The following CNTNAP2 variants were observed in gnomAD, a reference collection of about 807,000 sequenced individuals.
The protein encoded by CNTNAP2 is contactin-associated protein-like 2.
In CNTNAP2, 98 loss-of-function variants were observed where a neutral mutation model predicts 155.2. The observed-to-expected ratio is 0.63, with a 90% CI of 0.54 to 0.75. The LOEUF is 0.75. Among genes scored for constraint, CNTNAP2 ranks in the 30% least tolerant of loss-of-function variants. CNTNAP2 has a pLI of 0.00. For missense variants in CNTNAP2, 1,727 were observed against 1,688.1 expected, an observed-to-expected ratio of 1.02 and a Z score of -0.40; for synonymous variants, 651 against 631.2, an observed-to-expected ratio of 1.03 and a Z score of -0.47.
chr7:146,679,661 G>A (rs940050172), intron 1 of CNTNAP2, among the ~76,000 whole-genome samples: 1 of 151,908 alleles, frequency 6.6e-6, no homozygotes, highest in Non-Finnish European at 1.5e-5. Context: ...GGCTGATCTT[G>A]TTTCTTTCTC....
At chr7:147,457,917 G>C (rs1797949932) in intron 10 of CNTNAP2, among the ~76,000 whole-genome samples, 1 of 151,942 alleles carries the variant, frequency 6.6e-6, no homozygotes, top group Non-Finnish European at 1.5e-5. Flanking sequence ...GATTAGTTTT[G>C]GGTGGCCACA....
chr7:148,412,860 T>C (rs1245069760), intron 23 of CNTNAP2, among the ~76,000 whole-genome samples: 1 of 152,228 alleles, frequency 6.6e-6, no homozygotes, highest in Non-Finnish European at 1.5e-5. Context: ...TGAGAAAGTT[T>C]CTTCTACTCA....
intron 1 of CNTNAP2, among the ~76,000 whole-genome samples, chr7:146,670,366 C>T (rs1348105413): frequency 6.6e-6 from 1 of 152,072 alleles, no homozygotes; most frequent in Non-Finnish European, 1.5e-5. Flanking sequence ...CCAGCGTATG[C>T]CATGGACTTT....
chr7:146,150,975 G>A (rs1798028380), intron 1 of CNTNAP2, among the ~76,000 whole-genome samples: 1 of 152,094 alleles, frequency 6.6e-6, no homozygotes, highest in African/African-American at 2.4e-5. Flanking sequence ...GAGGCCTCAG[G>A]AAACTTACAG....
Position 147,488,652 on chromosome 7 carries a change from C to T in CNTNAP2, c.1777+2611C>T, listed in dbSNP as rs184033004. Among the ~76,000 whole-genome samples, 4 of 152,290 alleles carry T rather than the reference C, an allele frequency of 2.6e-5. No individual in the cohort carries two copies. The East Asian group carries it at 7.7e-4, about 29-fold the overall frequency. On this transcript the variant is annotated intron_variant, in intron 11 of 23. Transcript: ENST00000361727. ...CTACAATATTTTAGCACACCTTCTA[C>T]ACTAGCCCGGGCTTGGTCAGGATGA...
intron 8 of CNTNAP2, among the ~76,000 whole-genome samples, chr7:147,190,042 C>G (rs1289172339): frequency 1.3e-5 from 2 of 152,076 alleles, no homozygotes; most frequent in South Asian, 2.1e-4. Flanking sequence ...CCGTGCCCAC[C>G]CTTAACACCA....
intron 1 of CNTNAP2, among the ~76,000 whole-genome samples, chr7:146,467,091 G>A (rs551209714): frequency 6.5e-4 from 99 of 152,174 alleles, no homozygotes; most frequent in African/African-American, 2.2e-3. Flanking sequence ...GACAATATAT[G>A]AAAGACTTCC....
chr7:147,628,561 TAAAAC>T lies in CNTNAP2; in HGVS notation c.1898-10538_1898-10534del, dbSNP rs970658288. On this transcript the variant is annotated intron_variant, in intron 12 of 23. Coordinates refer to ENST00000361727, the MANE Select transcript of CNTNAP2 (RefSeq NM_014141.6). ...CAGGCCTATAAAACAATAACACAAT[TAAAAC>T]AAAACATAAGGTATTAAGGCAACAA... 1.1e-4 allele frequency among the ~76,000 whole-genome samples: 16 copies of T among 151,980 alleles called. No homozygotes were observed. The South Asian group carries it at 3.1e-3, about 30-fold the overall frequency.
intron 3 of CNTNAP2, among the ~76,000 whole-genome samples, chr7:146,906,231 G>A (rs1585149452): frequency 6.6e-6 from 1 of 151,868 alleles, no homozygotes; most frequent in African/African-American, 2.4e-5. Context: ...GGGGAGGGGC[G>A]CCCGCCATTG....
chr7:148,278,048 G>T (rs1413096394), intron 21 of CNTNAP2, among the ~76,000 whole-genome samples: 2 of 152,166 alleles, frequency 1.3e-5, no homozygotes, highest in Non-Finnish European at 2.9e-5. Context: ...CAGGCCTTTG[G>T]TCTTGTCACA....
chr7:146,478,396 G>A (rs1281225448), intron 1 of CNTNAP2, among the ~76,000 whole-genome samples: 1 of 151,814 alleles, frequency 6.6e-6, no homozygotes, highest in Non-Finnish European at 1.5e-5. Flanking sequence ...TGCTAATTAA[G>A]TTCTAAGCTG....
At chr7:146,685,669 A>T (rs1317042211) in intron 1 of CNTNAP2, among the ~76,000 whole-genome samples, 1 of 152,140 alleles carries the variant, frequency 6.6e-6, no homozygotes, top group Non-Finnish European at 1.5e-5. Flanking sequence ...TGTGGAAAGG[A>T]GTAATTATTC....
intron 1 of CNTNAP2, among the ~76,000 whole-genome samples, chr7:146,140,608 C>T (rs1797863078): frequency 6.6e-6 from 1 of 152,090 alleles, no homozygotes; most frequent in South Asian, 2.1e-4. Flanking sequence ...GACAGCATCT[C>T]TCATTATTTC....
chr7:147,395,451 C>CA (rs1162434531), intron 9 of CNTNAP2, among the ~76,000 whole-genome samples, 158 bp from the exon 10 acceptor site: 1 of 151,958 alleles, frequency 6.6e-6, no homozygotes, highest in Non-Finnish European at 1.5e-5. Flanking sequence ...CTCACTTTCT[C>CA]AAAAAACTTC....
intron 21 of CNTNAP2, among the ~76,000 whole-genome samples, chr7:148,310,179 A>G (rs1797568516): frequency 6.6e-6 from 1 of 152,214 alleles, no homozygotes; most frequent in Non-Finnish European, 1.5e-5. Flanking sequence ...ATCTAACTAG[A>G]GAGTGTCCAA....
intron 1 of CNTNAP2, among the ~76,000 whole-genome samples, chr7:146,667,395 T>C (rs1800214406): frequency 6.6e-6 from 1 of 152,112 alleles, no homozygotes. Context: ...TTGTAGTATA[T>C]TTTTAAATCT....
chr7:146,722,727 T>TAC (rs1801359732), intron 1 of CNTNAP2, among the ~76,000 whole-genome samples: 1 of 151,922 alleles, frequency 6.6e-6, no homozygotes, highest in Admixed American at 6.6e-5. Flanking sequence ...TATATATATA[T>TAC]ACACGTTGGC....
At chr7:147,197,565 T>C (rs1036478708) in intron 8 of CNTNAP2, among the ~76,000 whole-genome samples, 1 of 152,050 alleles carries the variant, frequency 6.6e-6, no homozygotes, top group Non-Finnish European at 1.5e-5. Flanking sequence ...GGGGAAGCAA[T>C]AGGCAAGAAA....
intron 9 of CNTNAP2, among the ~76,000 whole-genome samples, chr7:147,319,697 G>C (rs1795310034): frequency 6.6e-6 from 1 of 151,870 alleles, no homozygotes; most frequent in Non-Finnish European, 1.5e-5. Context: ...GTTAAATATA[G>C]GATTTCTATA....
Sources: allele counts gnomAD v4.1 joint callset (sites outside exome capture counted in the v4.1 genomes callset), GRCh38; gene constraint gnomAD v4.1.1; transcripts MANE v1.5; gene names NCBI Gene and HGNC (gene_info 2026-07-23, HGNC 2026-07-21).